Variants in PLXDC2 observed in about 807,000 individuals in gnomAD.
The protein encoded by PLXDC2 is plexin domain containing 2.
In PLXDC2, 40 loss-of-function variants were observed where a neutral mutation model predicts 68.9. That is an observed-to-expected ratio of 0.58 (90% CI 0.45 to 0.76). The LOEUF is 0.76. PLXDC2 is among the 30% of genes least tolerant of loss of function. The pLI is 0.00. For missense variants in PLXDC2, 644 were observed against 661.9 expected, an observed-to-expected ratio of 0.97 and a Z score of 0.30; for synonymous variants, 243 against 234.2, an observed-to-expected ratio of 1.04 and a Z score of -0.34.
Position 19,904,905 on chromosome 10 carries a change from G to GT in PLXDC2, c.112+87715dup, listed in dbSNP as rs1468858280. ...GCTATAAACTACTACTTCTTGGGAA[G>GT]TGAGACCCTCTTTAATCTCCACTTC... On this transcript the variant is annotated intron_variant, in intron 1 of 13. Transcript: ENST00000377252. 7.2e-5 allele frequency among the ~76,000 whole-genome samples: 11 copies of GT among 152,316 alleles called. No homozygotes were observed. The East Asian group carries it at 2.1e-3, about 29-fold the overall frequency.
chr10:20,191,102 T>A (rs1228557490), intron 9 of PLXDC2, among the ~76,000 whole-genome samples: 1 of 152,032 alleles, frequency 6.6e-6, no homozygotes, highest in Non-Finnish European at 1.5e-5. Flanking sequence ...AGAATCATTC[T>A]GTATTATTTT....
At chr10:20,079,920 C>G (rs10764195) in intron 4 of PLXDC2, among the ~76,000 whole-genome samples, 3 of 151,678 alleles carry the variant, frequency 2.0e-5, no homozygotes, top group African/African-American at 7.3e-5. Context: ...CTGCACATTC[C>G]GCACATGTAT....
At chr10:20,146,899 T>G (rs1272842821) in intron 5 of PLXDC2, among the ~76,000 whole-genome samples, 1 of 152,160 alleles carries the variant, frequency 6.6e-6, no homozygotes, top group East Asian at 1.9e-4. Context: ...CTCTTTTAGT[T>G]CTATGATTTT....
At chr10:19,845,513 G>A (rs1836991951) in intron 1 of PLXDC2, among the ~76,000 whole-genome samples, 1 of 152,168 alleles carries the variant, frequency 6.6e-6, no homozygotes, top group African/African-American at 2.4e-5. Flanking sequence ...GACCAAATTA[G>A]TAGTGATGCA....
intron 13 of PLXDC2, among the ~76,000 whole-genome samples, chr10:20,255,768 G>T (rs1444538459): frequency 6.6e-6 from 1 of 152,014 alleles, no homozygotes; most frequent in Non-Finnish European, 1.5e-5. Flanking sequence ...TGTAAAGAAT[G>T]TATTATAAAT....
At chr10:20,206,510 G>C (rs1334317851) in intron 9 of PLXDC2, among the ~76,000 whole-genome samples, 1 of 152,018 alleles carries the variant, frequency 6.6e-6, no homozygotes, top group Non-Finnish European at 1.5e-5. Flanking sequence ...AGTCATGAAA[G>C]AGCACAGCAC....
chr10:19,984,937 T>C (rs1834610463), intron 1 of PLXDC2, among the ~76,000 whole-genome samples: 1 of 152,214 alleles, frequency 6.6e-6, no homozygotes, highest in Admixed American at 6.5e-5. Flanking sequence ...TTCGGTTGTA[T>C]AACAGCTGTC....
At chr10:20,181,573 C>G (rs1040558348) in intron 9 of PLXDC2, among the ~76,000 whole-genome samples, 1 of 151,944 alleles carries the variant, frequency 6.6e-6, no homozygotes, top group Non-Finnish European at 1.5e-5. Flanking sequence ...GCAGCTACAG[C>G]GAAGTGAAAG....
At chr10:19,964,225 T>C (rs1263131558) in intron 1 of PLXDC2, among the ~76,000 whole-genome samples, 1 of 152,288 alleles carries the variant, frequency 6.6e-6, no homozygotes, top group Non-Finnish European at 1.5e-5. Context: ...TGGTGAGAGA[T>C]GCAGACCATT....
intron 12 of PLXDC2, among the ~76,000 whole-genome samples, chr10:20,237,730 A>G (rs1022834360): frequency 6.6e-6 from 1 of 152,184 alleles, no homozygotes; most frequent in Non-Finnish European, 1.5e-5. Context: ...AAAAGAGCAC[A>G]TTTTGGCATC....
At chr10:20,189,627 T>C (rs542307392) in intron 9 of PLXDC2, among the ~76,000 whole-genome samples, 17 of 149,848 alleles carry the variant, frequency 1.1e-4, no homozygotes, top group Non-Finnish European at 1.8e-4. Context: ...TTCAAAACTT[T>C]TCAGAAGCAG....
At chr10:20,055,580 C>T (rs11011762) in intron 3 of PLXDC2, among the ~76,000 whole-genome samples, 6,356 of 152,052 alleles carry the variant, frequency 0.042, 154 homozygotes, top group South Asian at 0.075. Context: ...TTTACTCTTA[C>T]GTTTGACTGG....
intron 9 of PLXDC2, among the ~76,000 whole-genome samples, chr10:20,193,310 G>GA (rs935630794): frequency 7.9e-5 from 12 of 151,772 alleles, no homozygotes; most frequent in Non-Finnish European, 1.2e-4. Flanking sequence ...TGATTAATGG[G>GA]AAAAAAAGTC....
chr10:19,957,667 C>T (rs781411544), intron 1 of PLXDC2, among the ~76,000 whole-genome samples: 17 of 152,034 alleles, frequency 1.1e-4, no homozygotes, highest in African/African-American at 1.7e-4. Flanking sequence ...AATAACACTG[C>T]GATGAAGTGA....
At chr10:20,196,375 G>A (rs1456456993) in intron 9 of PLXDC2, among the ~76,000 whole-genome samples, 1 of 152,112 alleles carries the variant, frequency 6.6e-6, no homozygotes, top group East Asian at 1.9e-4. Context: ...TTTTCAGTTA[G>A]CACTTCCCAT....
intron 1 of PLXDC2, among the ~76,000 whole-genome samples, chr10:19,958,738 G>C (rs1039259848): frequency 6.6e-6 from 1 of 152,140 alleles, no homozygotes; most frequent in African/African-American, 2.4e-5. Flanking sequence ...CTTAAATTAG[G>C]TATAAGGAAG....
chr10:20,105,795 A>C (rs1833483772), intron 4 of PLXDC2, among the ~76,000 whole-genome samples: 1 of 152,156 alleles, frequency 6.6e-6, no homozygotes, highest in African/African-American at 2.4e-5. Flanking sequence ...TGAGATCATC[A>C]CATTCAGAGC....
intron 9 of PLXDC2, among the ~76,000 whole-genome samples, chr10:20,189,726 G>A (rs1834739527): frequency 6.6e-6 from 1 of 150,862 alleles, no homozygotes; most frequent in Non-Finnish European, 1.5e-5. Flanking sequence ...TAAAATGCTT[G>A]TAATTCTTGT....
chr10:19,963,118 A>G (rs2131604466), intron 1 of PLXDC2, among the ~76,000 whole-genome samples: 1 of 151,914 alleles, frequency 6.6e-6, no homozygotes, highest in Admixed American at 6.6e-5. Context: ...TTGGTAGCTC[A>G]CTTTATACAT....
Sources: gnomAD v4.1 joint callset for allele counts (sites outside exome capture counted in the v4.1 genomes callset) on GRCh38, gnomAD v4.1.1 for gene constraint, MANE v1.5 for transcripts, NCBI Gene and HGNC (gene_info 2026-07-23, HGNC 2026-07-21) for gene names.